The following UBAP2 variants were observed in gnomAD, a reference collection of about 807,000 sequenced individuals.
UBAP2 encodes the protein ubiquitin associated protein 2, also known as ubiquitin-associated protein 2.
A neutral mutation model predicts 139.6 loss-of-function variants in UBAP2; 75 were observed. That is an observed-to-expected ratio of 0.54 (90% CI 0.45 to 0.65). UBAP2 has a LOEUF of 0.65. Ranked by LOEUF, UBAP2 falls within the 30% of genes least tolerant of loss-of-function variation. UBAP2 has a pLI of 0.00. For missense variants in UBAP2, 1,368 were observed against 1,369.6 expected (o/e 1.00, Z 0.02); for synonymous variants, 526 against 526.2 (o/e 1.00, Z 0.01).
chr9:33,978,393 G>A (rs1252670212), intron 6 of UBAP2, among the ~76,000 whole-genome samples: 1 of 152,110 alleles, frequency 6.6e-6, no homozygotes, highest in African/African-American at 2.4e-5. Flanking sequence ...AAATTTTTAA[G>A]TAGAATGTTA....
rs1486093628 is a variant in UBAP2, at chr9:33,995,386, TTAAATA to T, written c.288+831_288+836del. 15 of 136,464 alleles carry T rather than the reference TTAAATA, an allele frequency of 1.1e-4. 1 individual carries two copies. The highest frequency in any genetic ancestry group is 3.7e-4 in the African/African-American group (14 of 37,540). 8.5% of individuals were successfully genotyped at this position (136,464 alleles called of 1,614,324 possible). A position where few individuals can be genotyped will look rare whatever the true frequency, so the allele number is the denominator to read the frequency against. On this transcript the variant is annotated intron_variant, in intron 4 of 28. Transcript: ENST00000379238. ...ATAAATAAATATATAAATATATATA[TTAAATA>T]TAAATATATATATAAAGTATATATA...
chr9:33,937,599 C>CAA (rs1185167927), intron 16 of UBAP2, among the ~76,000 whole-genome samples: 4,900 of 85,352 alleles, frequency 0.057, 169 homozygotes, highest in South Asian at 0.083. Flanking sequence ...GACTCTGTCT[C>CAA]AAAAAAAAAA....
At position 33,953,418 on chromosome 9, in the gene UBAP2, G is replaced by C. The variant is rs756060378; in HGVS notation, c.923C>G (p.Ala308Gly). The change falls in exon 12 of 29, where the codon GCC (alanine) becomes GGC (glycine). Residue 308 changes from alanine to glycine, a missense_variant. By Grantham distance (60) the Ala-to-Gly change is moderately conservative. Transcript: ENST00000379238. ...CTGTTGGGAAGTTTCAAAGGAGTTGGCTTCTGAGGCTTGACTGTGAGGAAC... is the reference window on the plus strand; with the variant it reads ...CTGTTGGGAAGTTTCAAAGGAGTTGCCTTCTGAGGCTTGACTGTGAGGAAC... ...KPVPHSQASE[A>G]NSFETSQQQG... is the part of the protein sequence containing the mutation. 19 of 1,614,164 alleles carry C rather than the reference G, an allele frequency of 1.2e-5. 1 individual carries two copies. Among genetic ancestry groups the C allele is most frequent in the Non-Finnish European group, 1.4e-5 (16 of 1,180,010 alleles).
chr9:33,936,290 T>A (rs1316392904), intron 16 of UBAP2, among the ~76,000 whole-genome samples: 1 of 151,492 alleles, frequency 6.6e-6, no homozygotes, highest in Non-Finnish European at 1.5e-5. Flanking sequence ...ACCCAAATAA[T>A]TTTTTTTTAA....
In UBAP2 at chr9:33,927,983, C is replaced by A; in HGVS notation, c.2185G>T (p.Val729Leu). The A allele has an allele frequency of 6.2e-7, 1 of 1,611,532 alleles. No homozygotes were observed. Reference protein sequence around the residue: ...SSSTSHTHASVESASSHQSSA... With the variant: ...SSSTSHTHASLESASSHQSSA... ...GACTGGTGGGAAGAGGCGCTCTCCA[C>A]ACTGGCATGCTGGCAAAAGAAAAGC... Residue 729 changes from valine (V) to leucine (L), a missense_variant, in exon 20 of 29, where the codon GTG becomes TTG. Physicochemically the swap from Val to Leu is conservative, Grantham distance 32. Coordinates refer to ENST00000379238, the MANE Select transcript of UBAP2 (RefSeq NM_001370062.2).
chr9:33,927,330 C>T (rs1823530610), intron 20 of UBAP2, among the ~76,000 whole-genome samples: 1 of 152,150 alleles, frequency 6.6e-6, no homozygotes, highest in Non-Finnish European at 1.5e-5. Context: ...TCCCCCAGTC[C>T]CTAAGGTCCC....
chr9:34,039,891 G>A (rs1826901075), intron 1 of UBAP2, among the ~76,000 whole-genome samples: 1 of 149,998 alleles, frequency 6.7e-6, no homozygotes, highest in East Asian at 2.0e-4. Context: ...GCACACGGTG[G>A]CTCACGTCTG....
intron 6 of UBAP2, among the ~76,000 whole-genome samples, chr9:33,979,482 G>T (rs986508283): frequency 2.6e-5 from 4 of 152,142 alleles, no homozygotes; most frequent in African/African-American, 9.7e-5. Context: ...GGCTGAGGCA[G>T]GAGAATTGCT....
At chr9:33,983,380 G>A (rs991726941) in intron 6 of UBAP2, among the ~76,000 whole-genome samples, 8 of 152,080 alleles carry the variant, frequency 5.3e-5, no homozygotes, top group Admixed American at 3.9e-4. Flanking sequence ...TCTCTAAGAC[G>A]CCCACTAATG....
rs1163735760 is a variant in UBAP2 at position 33,968,444 on chromosome 9, T to C, written c.679+3207A>G. ...ATACATAGTCATGGCCGAGGGCATG[T>C]GCAGCCTGGTCGGCTTCTTCAGCTT... On this transcript the variant is annotated intron_variant, in intron 8 of 28. Coordinates refer to ENST00000379238, the MANE Select transcript of UBAP2 (RefSeq NM_001370062.2). 1.6e-5 allele frequency: 9 copies of C among 559,102 alleles called. 1 individual carries two copies. The highest frequency in any genetic ancestry group is 1.3e-4 in the South Asian group (9 of 71,274). The allele number at this position is 559,102 out of a possible 1,614,324, so 34.6% of individuals were successfully genotyped here. A position where few individuals can be genotyped will look rare whatever the true frequency, so the allele number is the denominator to read the frequency against.
intron 4 of UBAP2, chr9:33,995,618 TATAA>T (rs960442818): frequency 3.5e-5 from 5 of 141,634 alleles, no homozygotes; most frequent in South Asian, 2.1e-4. Flanking sequence ...AATATATATT[TATAA>T]ATAAATATAT....
intron 16 of UBAP2, among the ~76,000 whole-genome samples, chr9:33,938,194 A>G (rs533367058): frequency 6.6e-6 from 1 of 152,052 alleles, no homozygotes; most frequent in Admixed American, 6.5e-5. Context: ...GGGTCTCATC[A>G]TGTTGTCCAG....
chr9:33,964,857 G>C (rs1426161001), intron 8 of UBAP2, among the ~76,000 whole-genome samples: 1 of 152,058 alleles, frequency 6.6e-6, no homozygotes, highest in Non-Finnish European at 1.5e-5. Context: ...TGTATGATAG[G>C]TATGCTTTCC....
intron 6 of UBAP2, among the ~76,000 whole-genome samples, chr9:33,978,901 T>A (rs1820394589): frequency 6.6e-6 from 1 of 152,172 alleles, no homozygotes; most frequent in Non-Finnish European, 1.5e-5. Flanking sequence ...TTTGCATTAT[T>A]TTTCTTCCAT....
At chr9:34,033,060 G>A (rs1029245594) in intron 1 of UBAP2, among the ~76,000 whole-genome samples, 5 of 152,136 alleles carry the variant, frequency 3.3e-5, no homozygotes, top group Admixed American at 3.3e-4. Flanking sequence ...CAATTTGGAG[G>A]TTCTGGAAAA....
intron 22 of UBAP2, among the ~76,000 whole-genome samples, chr9:33,925,370 T>A (rs307694): frequency 0.41 from 61,639 of 151,844 alleles, 12,825 homozygotes; most frequent in South Asian, 0.48. Context: ...AACACGAGAA[T>A]TCTCCAGGCA....
intron 2 of UBAP2, among the ~76,000 whole-genome samples, chr9:34,014,028 A>G (rs1314999741): frequency 6.6e-6 from 1 of 152,084 alleles, no homozygotes; most frequent in East Asian, 1.9e-4. Flanking sequence ...TTTAAAAGAA[A>G]AAAATTTAAA....
At chr9:34,041,837 A>G (rs931401386) in intron 1 of UBAP2, among the ~76,000 whole-genome samples, 1 of 152,118 alleles carries the variant, frequency 6.6e-6, no homozygotes, top group African/African-American at 2.4e-5. Flanking sequence ...CAGCCTGGCT[A>G]ACACAAGGAA....
At chr9:33,936,926 C>CAAAAAAAAAAAAAAAAAAAAAAAAA in intron 16 of UBAP2, among the ~76,000 whole-genome samples, 1 of 59,788 alleles carries the variant, frequency 1.7e-5, no homozygotes, top group Non-Finnish European at 2.8e-5. Flanking sequence ...AACTCCAGCT[C>CAAAAAAAAAAAAAAAAAAAAAAAAA]AAAAAAAAAA....
Sources: gnomAD v4.1 joint callset for allele counts (sites outside exome capture counted in the v4.1 genomes callset) on GRCh38, gnomAD v4.1.1 for gene constraint, MANE v1.5 for transcripts, NCBI Gene and HGNC (gene_info 2026-07-23, HGNC 2026-07-21) for gene names.